PDGFC: variants seen among roughly 807,000 people sequenced by gnomAD.
The protein encoded by PDGFC is platelet-derived growth factor C.
Under a neutral mutation model 35.5 loss-of-function variants are expected in PDGFC, and 12 were observed. The ratio of observed to expected loss-of-function variants is 0.34; its 90% CI spans 0.22 to 0.55. The LOEUF is 0.55. Among genes scored for constraint, PDGFC ranks in the 20% least tolerant of loss-of-function variants. The probability of loss-of-function intolerance (pLI) is 0.91; values close to 1 mark genes in which losing one functional copy is unlikely to be tolerated. For missense variants in PDGFC, 322 were observed against 412.4 expected (o/e 0.78, Z 1.90); for synonymous variants, 159 against 148.8 (o/e 1.07, Z -0.50).
intron 1 of PDGFC, among the ~76,000 whole-genome samples, chr4:156,965,038 A>G (rs1732433159): frequency 6.6e-6 from 1 of 152,200 alleles, no homozygotes; most frequent in Non-Finnish European, 1.5e-5. Flanking sequence ...AACCAGTTCT[A>G]GGAAACCTAT....
At chr4:156,929,837 A>G (rs1731509654) in intron 1 of PDGFC, among the ~76,000 whole-genome samples, 1 of 152,200 alleles carries the variant, frequency 6.6e-6, no homozygotes, top group Admixed American at 6.5e-5. Flanking sequence ...CCTACTTTCA[A>G]ATGGTCCTTT....
chr4:156,798,838 C>G (rs993112113), intron 3 of PDGFC, among the ~76,000 whole-genome samples: 2 of 152,086 alleles, frequency 1.3e-5, no homozygotes, highest in Non-Finnish European at 2.9e-5. Context: ...AGAAAAGTGC[C>G]CTTTTAAAAT....
At chr4:156,806,816 G>A (rs1731782079) in intron 3 of PDGFC, among the ~76,000 whole-genome samples, 1 of 151,914 alleles carries the variant, frequency 6.6e-6, no homozygotes, top group Non-Finnish European at 1.5e-5. Context: ...TTATGCTACA[G>A]TACACAGAGT....
chr4:156,825,590 T>TAAGAAGAAGAAGAAGAAGAAGAAGAAG (rs1238405953), intron 2 of PDGFC, among the ~76,000 whole-genome samples: 2 of 78,358 alleles, frequency 2.6e-5, no homozygotes, highest in African/African-American at 1.3e-4. Context: ...ATAATAATAA[T>TAAGAAGAAGAAGAAGAAGAAGAAGAAG]AATAAGAAGA....
chr4:156,865,538 C>T (rs1273698416), intron 1 of PDGFC, among the ~76,000 whole-genome samples: 1 of 152,004 alleles, frequency 6.6e-6, no homozygotes, highest in Admixed American at 6.6e-5. Flanking sequence ...AATTTGGGGC[C>T]ATCTAGAATG....
At chr4:156,905,148 T>C (rs924232889) in intron 1 of PDGFC, among the ~76,000 whole-genome samples, 1 of 152,072 alleles carries the variant, frequency 6.6e-6, no homozygotes, top group African/African-American at 2.4e-5. Context: ...CATCTTGAGA[T>C]AGGCTTAGAT....
At position 156,916,732 on chromosome 4, in the gene PDGFC, A is replaced by T. The variant is rs143847891; in HGVS notation, c.118+54054T>A. ...CTATACTGTCAATTAATAGGACTGC[A>T]CTTAGCTACACTTACAGCTGCTGAG... On this transcript the variant is annotated intron_variant, in intron 1 of 5. Transcript: ENST00000502773. 2.1e-3 allele frequency among the ~76,000 whole-genome samples: 314 copies of T among 152,300 alleles called. 2 individuals are homozygous for T. The highest frequency in any genetic ancestry group is 7.3e-3 in the African/African-American group (302 of 41,552).
chr4:156,772,091 T>C (rs1184144478), intron 4 of PDGFC, among the ~76,000 whole-genome samples: 3 of 152,032 alleles, frequency 2.0e-5, no homozygotes, highest in African/African-American at 7.3e-5. Context: ...CAAATTTATA[T>C]AGTTAAAAAT....
At position 156,850,269 on chromosome 4, in the gene PDGFC, G is replaced by C. The variant is rs368835623; in HGVS notation, c.266C>G (p.Thr89Arg). The C allele has an allele frequency of 4.4e-6, 7 of 1,603,738 alleles. No individual in the cohort carries two copies. Among genetic ancestry groups the C allele is most frequent in the East Asian group, 4.5e-5 (2 of 44,604 alleles). ...TTCAAGCCCAAATCTTTCATCAAACGTAAGTTGTATCCATACATTTTCCTC... is the reference window on the plus strand; with the variant it reads ...TTCAAGCCCAAATCTTTCATCAAACCTAAGTTGTATCCATACATTTTCCTC... ...AVEENVWIQLTFDERFGLEDP... is the reference protein window; with the variant it reads ...AVEENVWIQLRFDERFGLEDP... Residue 89 changes from threonine (T) to arginine (R), a missense_variant, in exon 2 of 6, where the codon ACG (threonine) becomes AGG (arginine). Thr to Arg is a moderately conservative substitution (Grantham distance 71, BLOSUM62 -1). Around this residue, in one of 2 missense-constraint regions of PDGFC, gnomAD observed 120 missense variants for 116.6 expected, o/e 1.03. Transcript: ENST00000502773.
chr4:156,924,409 C>T (rs1265562374), intron 1 of PDGFC, among the ~76,000 whole-genome samples: 2 of 152,032 alleles, frequency 1.3e-5, no homozygotes, highest in African/African-American at 2.4e-5. Context: ...TCTCAAAATT[C>T]AGTGGGGAAA....
At chr4:156,830,284 T>C (rs1560830795) in intron 2 of PDGFC, among the ~76,000 whole-genome samples, 1 of 151,234 alleles carries the variant, frequency 6.6e-6, no homozygotes, top group Non-Finnish European at 1.5e-5. Flanking sequence ...TCAGACCTTG[T>C]CAACTGTGTG....
intron 3 of PDGFC, chr4:156,774,450 TG>T (rs1411615006): frequency 6.6e-6 from 1 of 152,202 alleles, no homozygotes; most frequent in Non-Finnish European, 1.5e-5. Context: ...CACAGCCCTC[TG>T]TGGGCTGCTC....
At chr4:156,900,644 C>T (rs1730745711) in intron 1 of PDGFC, among the ~76,000 whole-genome samples, 1 of 151,994 alleles carries the variant, frequency 6.6e-6, no homozygotes, top group Non-Finnish European at 1.5e-5. Flanking sequence ...AGTTCAAAAC[C>T]AGCAAGGGCA....
chr4:156,951,995 C>T (rs1167984134), intron 1 of PDGFC, among the ~76,000 whole-genome samples: 1 of 151,776 alleles, frequency 6.6e-6, no homozygotes, highest in Non-Finnish European at 1.5e-5. Flanking sequence ...GCAGTGACAA[C>T]CATTAGTCAT....
At chr4:156,955,193 T>G (rs935647083) in intron 1 of PDGFC, among the ~76,000 whole-genome samples, 1 of 151,964 alleles carries the variant, frequency 6.6e-6, no homozygotes, top group African/African-American at 2.4e-5. Flanking sequence ...GATGGTTCCC[T>G]TCCATTCCAC....
chr4:156,772,642 G>C, intron 4 of PDGFC, 44 bp downstream of exon 4: 1 of 1,277,156 alleles, frequency 7.8e-7, no homozygotes, highest in Non-Finnish European at 1.1e-6. Flanking sequence ...AACATTAGCT[G>C]TTAAGAAAAT....
intron 1 of PDGFC, among the ~76,000 whole-genome samples, chr4:156,955,026 G>A (rs1242759052): frequency 1.3e-5 from 2 of 152,014 alleles, no homozygotes; most frequent in Non-Finnish European, 2.9e-5. Flanking sequence ...AGAATCCAAG[G>A]TAGAAAGTGG....
At chr4:156,875,069 C>G (rs963733838) in intron 1 of PDGFC, among the ~76,000 whole-genome samples, 4 of 152,020 alleles carry the variant, frequency 2.6e-5, no homozygotes, top group African/African-American at 9.7e-5. Flanking sequence ...CTATTCACAA[C>G]CTCCTATGTG....
chr4:156,794,590 T>G (rs778221990), intron 3 of PDGFC, among the ~76,000 whole-genome samples: 1 of 151,896 alleles, frequency 6.6e-6, no homozygotes, highest in Non-Finnish European at 1.5e-5. Context: ...GTGAGTAATA[T>G]TTTTTACAAG....
Sources: gnomAD v4.1 joint callset for allele counts (sites outside exome capture counted in the v4.1 genomes callset) on GRCh38, gnomAD v4.1.1 for gene constraint, gnomAD v4.1.1 regional missense constraint, MANE v1.5 for transcripts, NCBI Gene and HGNC (gene_info 2026-07-23, HGNC 2026-07-21) for gene names.